The following MCC variants were observed in gnomAD, a reference collection of about 807,000 sequenced individuals.
MCC encodes the protein colorectal mutant cancer protein.
Under a neutral mutation model 116.2 loss-of-function variants are expected in MCC, and 90 were observed. The ratio of observed to expected loss-of-function variants is 0.77; its 90% confidence interval spans 0.65 to 0.92. The LOEUF (loss-of-function observed/expected upper bound fraction) is 0.92, where lower values mean the gene tolerates loss of function less well. Among genes scored for constraint, MCC ranks in the 40% least tolerant of loss-of-function variants. The probability of loss-of-function intolerance (pLI) is 0.00; values close to 1 mark genes in which losing one functional copy is unlikely to be tolerated. For missense variants in MCC, 1,516 were observed against 1,312.2 expected (o/e 1.16, Z -2.40); for synonymous variants, 578 against 510.5 (o/e 1.13, Z -1.78).
At chr5:113,124,838 T>A (rs532151196) in intron 5 of MCC, among the ~76,000 whole-genome samples, 4 of 152,358 alleles carry the variant, frequency 2.6e-5, no homozygotes, top group African/African-American at 9.6e-5. Context: ...ACAGATTCTG[T>A]CTTCAAGGAG....
chr5:113,488,431 TG>T lies in MCC; in HGVS notation c.-18del. 2 of 1,399,984 alleles carry T rather than the reference TG, an allele frequency of 1.4e-6. No homozygotes were observed. The highest frequency in any genetic ancestry group is 1.5e-5 in the African/African-American group (1 of 66,372). 86.7% of individuals were successfully genotyped at this position (1,399,984 alleles called of 1,614,324 possible). A position where few individuals can be genotyped will look rare whatever the true frequency, so the allele number is the denominator to read the frequency against. On this transcript the variant is annotated 5_prime_UTR_variant, in exon 1 of 19. Coordinates refer to ENST00000408903, the MANE Select transcript of MCC (RefSeq NM_001085377.2). ...CGCCATCATGCGCCCGCTCCCTACTTGGGAGGAGGAGTACGCGCGACCGCAG... is the reference window on the plus strand; with the variant it reads ...CGCCATCATGCGCCCGCTCCCTACTTGGAGGAGGAGTACGCGCGACCGCAG...
chr5:113,243,379 C>T (rs891444525), intron 3 of MCC, among the ~76,000 whole-genome samples: 1 of 152,172 alleles, frequency 6.6e-6, no homozygotes, highest in Non-Finnish European at 1.5e-5. Flanking sequence ...ATCCTATACT[C>T]CTATACTCCA....
At chr5:113,248,235 TAAAA>T (rs10574369) in intron 3 of MCC, among the ~76,000 whole-genome samples, 6 of 133,540 alleles carry the variant, frequency 4.5e-5, no homozygotes, top group Admixed American at 7.4e-5. Flanking sequence ...TGTATCTATT[TAAAA>T]AAAAAAAAAA....
At chr5:113,262,280 G>A (rs1424729784) in intron 3 of MCC, among the ~76,000 whole-genome samples, 3 of 152,044 alleles carry the variant, frequency 2.0e-5, no homozygotes, top group Middle Eastern at 3.4e-3. Context: ...GCATATCAGT[G>A]TCTGCTTTCA....
At chr5:113,325,265 C>G (rs1767524630) in intron 3 of MCC, among the ~76,000 whole-genome samples, 1 of 152,086 alleles carries the variant, frequency 6.6e-6, no homozygotes, top group Non-Finnish European at 1.5e-5. Context: ...CCAATCCTAA[C>G]CCTTTGAAAG....
intron 1 of MCC, among the ~76,000 whole-genome samples, chr5:113,399,251 C>T (rs1373230539): frequency 1.3e-5 from 2 of 152,096 alleles, no homozygotes; most frequent in East Asian, 1.9e-4. Flanking sequence ...TTTGGGAGGC[C>T]GAGGCAGGCG....
At chr5:113,383,481 G>A (rs1044705868) in intron 2 of MCC, among the ~76,000 whole-genome samples, 7 of 152,120 alleles carry the variant, frequency 4.6e-5, no homozygotes, top group Non-Finnish European at 8.8e-5. Flanking sequence ...AAAATATGCA[G>A]AAGATATGTG....
chr5:113,042,474 CAAAAAAAAAAA>C (rs5870523), intron 17 of MCC, among the ~76,000 whole-genome samples: 1 of 68,466 alleles, frequency 1.5e-5, no homozygotes, highest in African/African-American at 5.9e-5. Flanking sequence ...GACCCTCTCT[CAAAAAAAAAAA>C]AAAAAAAAAA....
chr5:113,405,784 G>A (rs770587045), intron 1 of MCC, among the ~76,000 whole-genome samples: 4 of 151,608 alleles, frequency 2.6e-5, no homozygotes, highest in Non-Finnish European at 5.9e-5. Context: ...TCCAGCCTAG[G>A]TGATGAGCGA....
chr5:113,097,207 G>T (rs942342402), intron 8 of MCC, among the ~76,000 whole-genome samples: 5 of 151,950 alleles, frequency 3.3e-5, no homozygotes, highest in Non-Finnish European at 7.4e-5. Flanking sequence ...ATACTTTTTT[G>T]TTTTTGCTTA....
intron 1 of MCC, among the ~76,000 whole-genome samples, chr5:113,478,524 G>C (rs1772291819): frequency 6.6e-6 from 1 of 152,202 alleles, no homozygotes; most frequent in Non-Finnish European, 1.5e-5. Flanking sequence ...CTGTAATGGA[G>C]AAAACTAAGG....
chr5:113,250,475 C>A (rs1036357430), intron 3 of MCC, among the ~76,000 whole-genome samples: 1 of 152,236 alleles, frequency 6.6e-6, no homozygotes, highest in Non-Finnish European at 1.5e-5. Context: ...CATCCCAGTG[C>A]AGCCTGCTCC....
chr5:113,471,882 C>T (rs1026278477), intron 1 of MCC, among the ~76,000 whole-genome samples: 3 of 152,086 alleles, frequency 2.0e-5, no homozygotes, highest in African/African-American at 4.8e-5. Context: ...CTCCCCCAGC[C>T]TTGCTGCCGC....
intron 3 of MCC, among the ~76,000 whole-genome samples, chr5:113,172,823 C>T (rs1175237011): frequency 6.6e-6 from 1 of 152,182 alleles, no homozygotes; most frequent in Non-Finnish European, 1.5e-5. Context: ...ATATATATTT[C>T]TCCCAGCTGT....
intron 3 of MCC, among the ~76,000 whole-genome samples, chr5:113,198,046 C>G (rs1404023479): frequency 1.3e-5 from 2 of 152,210 alleles, no homozygotes; most frequent in African/African-American, 2.4e-5. Context: ...ACGCTGTGAG[C>G]CTATATAATT....
intron 6 of MCC, among the ~76,000 whole-genome samples, chr5:113,106,666 C>T (rs908017193): frequency 2.6e-5 from 4 of 152,158 alleles, no homozygotes; most frequent in African/African-American, 4.8e-5. Flanking sequence ...TTCAACCTAT[C>T]GTCCCACCTC....
At chr5:113,201,619 A>C (rs1221378807) in intron 3 of MCC, among the ~76,000 whole-genome samples, 1 of 152,140 alleles carries the variant, frequency 6.6e-6, no homozygotes, top group African/African-American at 2.4e-5. Flanking sequence ...CATTTTCCAA[A>C]CTTTTATGAA....
intron 3 of MCC, among the ~76,000 whole-genome samples, chr5:113,214,358 T>A (rs1423526363): frequency 6.6e-6 from 1 of 152,170 alleles, no homozygotes; most frequent in African/African-American, 2.4e-5. Context: ...ATTCACAAAC[T>A]CTGTTTAATC....
At chr5:113,365,033 T>G (rs1283778613) in intron 2 of MCC, among the ~76,000 whole-genome samples, 2 of 152,226 alleles carry the variant, frequency 1.3e-5, no homozygotes, top group Non-Finnish European at 1.5e-5. Flanking sequence ...CTTGGCTATT[T>G]GCACTTGGCT....
Sources: gnomAD v4.1 joint callset for allele counts (sites outside exome capture counted in the v4.1 genomes callset) on GRCh38, gnomAD v4.1.1 for gene constraint, MANE v1.5 for transcripts, NCBI Gene and HGNC (gene_info 2026-07-23, HGNC 2026-07-21) for gene names.